PKHD1: variants seen among roughly 807,000 people sequenced by gnomAD.
PKHD1 encodes the protein PKHD1 ciliary IPT domain containing fibrocystin/polyductin, also known as fibrocystin.
PKHD1 carries 291 observed loss-of-function variants against 412.0 expected under a neutral mutation model. The ratio of observed to expected loss-of-function variants is 0.71; its 90% confidence interval spans 0.64 to 0.78. The LOEUF is 0.78. Among genes scored for constraint, PKHD1 ranks in the 30% least tolerant of loss-of-function variants. The pLI, the probability that PKHD1 is intolerant of heterozygous loss-of-function variation, is 0.00. For missense variants in PKHD1, 4,825 were observed against 4,950.7 expected, an observed-to-expected ratio of 0.97 and a Z score of 0.76; for synonymous variants, 1,777 against 1,821.5, an observed-to-expected ratio of 0.98 and a Z score of 0.62.
intron 49 of PKHD1, among the ~76,000 whole-genome samples, chr6:51,850,364 TTG>T (rs1771973633): frequency 6.6e-6 from 1 of 152,242 alleles, no homozygotes; most frequent in African/African-American, 2.4e-5. Flanking sequence ...TAGGATTGTC[TTG>T]GCTATACAGG....
At chr6:52,014,737 GATGGATGGATGGATGGATGGATGGATGA>G (rs1800283655) in intron 34 of PKHD1, among the ~76,000 whole-genome samples, 2 of 148,028 alleles carry the variant, frequency 1.4e-5, no homozygotes, top group African/African-American at 5.0e-5. Flanking sequence ...TGGATGGATG[GATGGATGGATGGATGGATGGATGGATGA>G]ATATACTGGA....
chr6:51,951,447 C>T (rs1164198766), intron 36 of PKHD1, among the ~76,000 whole-genome samples: 1 of 152,146 alleles, frequency 6.6e-6, no homozygotes, highest in Non-Finnish European at 1.5e-5. Flanking sequence ...TCAGTTAGCA[C>T]TGACCCAATC....
intron 52 of PKHD1, among the ~76,000 whole-genome samples, 156 bp from the exon 53 acceptor site, chr6:51,791,529 G>C (rs1793747928): frequency 1.3e-5 from 2 of 152,184 alleles, no homozygotes; most frequent in African/African-American, 4.8e-5. Context: ...CAAAAGCTAG[G>C]ACTTACTGAA....
At chr6:51,836,876 G>A (rs189397882) in intron 50 of PKHD1, among the ~76,000 whole-genome samples, 4 of 152,264 alleles carry the variant, frequency 2.6e-5, no homozygotes, top group Non-Finnish European at 4.4e-5. Flanking sequence ...TCCATGAAAT[G>A]TATTTGGTTA....
intron 35 of PKHD1, among the ~76,000 whole-genome samples, chr6:51,999,362 T>A (rs545137022): frequency 6.6e-5 from 10 of 152,320 alleles, no homozygotes; most frequent in African/African-American, 2.2e-4. Context: ...AGTTTTTGTT[T>A]TTGTTTTTTT....
intron 35 of PKHD1, among the ~76,000 whole-genome samples, chr6:51,981,240 T>C (rs1313819483): frequency 9.0e-6 from 1 of 111,700 alleles, no homozygotes; most frequent in African/African-American, 2.7e-5. Flanking sequence ...AAAACCTCTG[T>C]GCAACCCAAG....
intron 34 of PKHD1, among the ~76,000 whole-genome samples, chr6:52,016,635 CAA>C (rs10579713): frequency 0.068 from 8,140 of 118,840 alleles, 289 homozygotes; most frequent in East Asian, 0.12. Flanking sequence ...GACTCTGTCT[CAA>C]AAAAAAAAAA....
chr6:51,670,370 C>A (rs1239196664), intron 60 of PKHD1, among the ~76,000 whole-genome samples: 1 of 151,866 alleles, frequency 6.6e-6, no homozygotes, highest in Non-Finnish European at 1.5e-5. Flanking sequence ...GGACTGCAAC[C>A]CCTGCCTTTT....
intron 43 of PKHD1, among the ~76,000 whole-genome samples, chr6:51,902,889 T>C (rs1210626113): frequency 6.6e-6 from 1 of 152,216 alleles, no homozygotes; most frequent in Admixed American, 6.5e-5. Flanking sequence ...GTTATTGAAG[T>C]GGACTTCATC....
rs868476640 is a variant in PKHD1, at chr6:51,885,941, G to A, written c.7141C>T (p.Pro2381Ser). 1 of 1,612,336 alleles carries A rather than the reference G, an allele frequency of 6.2e-7. No individual in the cohort carries two copies. The highest frequency in any genetic ancestry group is 8.5e-7 in the Non-Finnish European group (1 of 1,178,480). ...GTGCCAGTGACATTATCCCAAGGTGGCTGAAATTTAGGGTATACAAAGAGA... is the reference window on the plus strand; with the variant it reads ...GTGCCAGTGACATTATCCCAAGGTGACTGAAATTTAGGGTATACAAAGAGA... Reference protein sequence around the residue: ...YGLFVYPKFQPPWDNVTGTTL... With the variant: ...YGLFVYPKFQSPWDNVTGTTL... The change falls in exon 45 of 67, where the codon CCA becomes TCA. Residue 2381 changes from proline to serine, a missense_variant. Coordinates refer to ENST00000371117, the MANE Select transcript of PKHD1 (RefSeq NM_138694.4).
chr6:51,928,163 C>A (rs534520189), intron 37 of PKHD1, among the ~76,000 whole-genome samples: 8 of 152,202 alleles, frequency 5.3e-5, no homozygotes, highest in African/African-American at 1.9e-4. Context: ...CCTACCATCC[C>A]AAGTGCCTCA....
intron 52 of PKHD1, among the ~76,000 whole-genome samples, chr6:51,817,215 C>T (rs1055934304): frequency 1.3e-5 from 2 of 152,154 alleles, no homozygotes; most frequent in African/African-American, 2.4e-5. Context: ...AACCACTCTA[C>T]ATAAGGTATG....
At chr6:51,731,193 T>A (rs1199257646) in intron 60 of PKHD1, among the ~76,000 whole-genome samples, 1 of 151,636 alleles carries the variant, frequency 6.6e-6, no homozygotes, top group African/African-American at 2.4e-5. Context: ...AGCTTACTAG[T>A]CAATGAAGTC....
At chr6:51,699,606 C>T (rs543913) in intron 60 of PKHD1, among the ~76,000 whole-genome samples, 112,638 of 152,012 alleles carry the variant, frequency 0.74, 43,316 homozygotes, top group Non-Finnish European at 0.84. Flanking sequence ...GCTGCCAGGG[C>T]GTATGTTAAG....
chr6:51,655,388 C>A lies in PKHD1; in HGVS notation c.11174+3564G>T, dbSNP rs565641410. ...ATAATTGATTGGCTTTCCTGGTTTTCTTCTCTATTCCAAAGCAACCTGATA... is the reference window on the plus strand; with the variant it reads ...ATAATTGATTGGCTTTCCTGGTTTTATTCTCTATTCCAAAGCAACCTGATA... On this transcript the variant is annotated intron_variant, in intron 61 of 66. Transcript: ENST00000371117. 1.3e-4 allele frequency among the ~76,000 whole-genome samples: 20 copies of A among 152,194 alleles called. 1 individual carries two copies. In the Middle Eastern group the frequency reaches 0.01, roughly 78 times the overall value.
At chr6:51,637,972 T>C (rs1768802953) in intron 64 of PKHD1, among the ~76,000 whole-genome samples, 1 of 152,190 alleles carries the variant, frequency 6.6e-6, no homozygotes, top group Admixed American at 6.5e-5. Flanking sequence ...ATCTTACCAG[T>C]GTCATACTGG....
intron 60 of PKHD1, among the ~76,000 whole-genome samples, chr6:51,743,404 G>A (rs537916003): frequency 2.6e-5 from 4 of 152,258 alleles, no homozygotes; most frequent in African/African-American, 9.6e-5. Flanking sequence ...GGGACAGCTA[G>A]GCAAGAAGCA....
intron 38 of PKHD1, 102 bp from the exon 39 acceptor site, chr6:51,912,058 T>A (rs1488885868): frequency 2.1e-6 from 2 of 960,810 alleles, no homozygotes; most frequent in African/African-American, 3.3e-5. Context: ...GGGGATCTAT[T>A]CATGTTTCTT....
At chr6:51,787,382 A>T (rs77422988) in intron 53 of PKHD1, among the ~76,000 whole-genome samples, 5,666 of 145,700 alleles carry the variant, frequency 0.039, 174 homozygotes, top group Middle Eastern at 0.11. Context: ...AAAAAGCAGG[A>T]TCACCAAAAA....
Sources: gnomAD v4.1 joint callset for allele counts (sites outside exome capture counted in the v4.1 genomes callset) on GRCh38, gnomAD v4.1.1 for gene constraint, MANE v1.5 for transcripts, NCBI Gene and HGNC (gene_info 2026-07-23, HGNC 2026-07-21) for gene names.